NDST4: variants seen among roughly 807,000 people sequenced by gnomAD.
NDST4 encodes the protein N-heparan sulfate sulfotransferase 4.
Under a neutral mutation model 100.8 loss-of-function variants are expected in NDST4, and 63 were observed. The ratio of observed to expected loss-of-function variants is 0.62; its 90% CI spans 0.51 to 0.77. NDST4 has a LOEUF of 0.77. Among genes scored for constraint, NDST4 ranks in the 30% least tolerant of loss-of-function variants. The pLI, the probability that NDST4 is intolerant of heterozygous loss-of-function variation, is 0.00. For synonymous variants in NDST4, 377 were observed against 361.8 expected, an observed-to-expected ratio of 1.04 and a Z score of -0.48; for missense variants, 943 against 1,018.4, an observed-to-expected ratio of 0.93 and a Z score of 1.01.
chr4:114,929,375 C>T (rs1254289767), intron 6 of NDST4, among the ~76,000 whole-genome samples: 1 of 152,132 alleles, frequency 6.6e-6, no homozygotes, highest in African/African-American at 2.4e-5. Context: ...GTTCCTTAAA[C>T]AGTCATCTTT....
At chr4:114,876,253 T>C (rs928854181) in intron 6 of NDST4, among the ~76,000 whole-genome samples, 1 of 152,200 alleles carries the variant, frequency 6.6e-6, no homozygotes, top group Admixed American at 6.6e-5. Flanking sequence ...TCTGATAGCG[T>C]GCCCCTTTTC....
At chr4:114,932,004 A>G (rs1015229893) in intron 6 of NDST4, among the ~76,000 whole-genome samples, 2 of 151,958 alleles carry the variant, frequency 1.3e-5, no homozygotes, top group Non-Finnish European at 2.9e-5. Flanking sequence ...TGAGGTTAGC[A>G]TTACCCTGAT....
chr4:115,038,620 G>A (rs1290657852), intron 2 of NDST4, among the ~76,000 whole-genome samples: 2 of 152,140 alleles, frequency 1.3e-5, no homozygotes, highest in African/African-American at 4.8e-5. Flanking sequence ...AAGAAGTAAA[G>A]GACATGTAAT....
At chr4:115,039,991 A>G (rs1038499736) in intron 2 of NDST4, among the ~76,000 whole-genome samples, 1 of 152,036 alleles carries the variant, frequency 6.6e-6, no homozygotes, top group Non-Finnish European at 1.5e-5. Context: ...ACATATGCAT[A>G]TATATTCATA....
intron 2 of NDST4, among the ~76,000 whole-genome samples, chr4:115,034,975 G>A (rs1728201032): frequency 1.3e-5 from 2 of 152,098 alleles, no homozygotes; most frequent in African/African-American, 4.8e-5. Context: ...CAACCTGAAA[G>A]CTCATTCCAC....
intron 6 of NDST4, among the ~76,000 whole-genome samples, chr4:114,909,669 C>CAAAAAAAAAAAAA (rs773267929): frequency 1.2e-3 from 73 of 61,646 alleles, no homozygotes; most frequent in African/African-American, 1.8e-3. Context: ...GACTCCGTCT[C>CAAAAAAAAAAAAA]AAAAAAAAAA....
At chr4:115,079,736 G>T (rs1729262653) in intron 1 of NDST4, among the ~76,000 whole-genome samples, 1 of 152,070 alleles carries the variant, frequency 6.6e-6, no homozygotes, top group Non-Finnish European at 1.5e-5. Flanking sequence ...TTAATTGGGG[G>T]ATCTGAGTGA....
At position 114,959,554 on chromosome 4, in the gene NDST4, C is replaced by T. The variant is rs535276199; in HGVS notation, c.1221+10876G>A. 5.9e-5 allele frequency among the ~76,000 whole-genome samples: 9 copies of T among 152,150 alleles called. No homozygotes were observed. The South Asian group carries it at 1.7e-3, about 28-fold the overall frequency. On this transcript the variant is annotated intron_variant, in intron 4 of 13. Coordinates refer to ENST00000264363, the MANE Select transcript of NDST4 (RefSeq NM_022569.3). Reference sequence around the variant, plus strand: ...GAGAACAGCATAAGAAAAACTTGTCCCCATGATTCAATTACCTCCCACCAG... The same window carrying T: ...GAGAACAGCATAAGAAAAACTTGTCTCCATGATTCAATTACCTCCCACCAG...
At chr4:114,963,703 G>A (rs1356335656) in intron 4 of NDST4, among the ~76,000 whole-genome samples, 1 of 152,102 alleles carries the variant, frequency 6.6e-6, no homozygotes, top group Non-Finnish European at 1.5e-5. Context: ...TAGAGGCAAC[G>A]GATTAGATGA....
At chr4:115,111,847 G>A (rs1387401996) in intron 1 of NDST4, among the ~76,000 whole-genome samples, 3 of 151,700 alleles carry the variant, frequency 2.0e-5, no homozygotes, top group Non-Finnish European at 4.4e-5. Flanking sequence ...CTTATTATGA[G>A]ATGTCTATCA....
intron 2 of NDST4, among the ~76,000 whole-genome samples, chr4:114,990,047 G>A (rs953103960): frequency 1.3e-5 from 2 of 151,840 alleles, no homozygotes; most frequent in African/African-American, 2.4e-5. Flanking sequence ...TTATGTCTGC[G>A]TTTTCATGAG....
chr4:115,076,837 G>A lies in NDST4; in HGVS notation c.200C>T (p.Thr67Ile), dbSNP rs1729196796. The A allele has an allele frequency of 6.2e-7, 1 of 1,613,814 alleles. No individual in the cohort carries two copies. The highest frequency in any genetic ancestry group is 8.5e-7 in the Non-Finnish European group (1 of 1,179,878). ...ILPYRSMELK[T>I]VKPIDTSKTD... ...TTTGGATGTGTCAATAGGTTTAACT[G>A]TTTTCAGCTCCATTGACCTATATGG... is the stretch of plus-strand genomic sequence containing the variant. Residue 67 changes from threonine (T) to isoleucine (I), a missense_variant, in exon 2 of 14, where the codon ACA becomes ATA. Coordinates refer to ENST00000264363, the MANE Select transcript of NDST4 (RefSeq NM_022569.3).
intron 2 of NDST4, among the ~76,000 whole-genome samples, chr4:115,000,955 G>A (rs571927526): frequency 6.6e-6 from 1 of 152,226 alleles, no homozygotes; most frequent in African/African-American, 2.4e-5. Flanking sequence ...GCCTCACATG[G>A]TGGAAAGGAT....
At chr4:114,866,501 C>A (rs1404973382) in intron 7 of NDST4, among the ~76,000 whole-genome samples, 1 of 152,218 alleles carries the variant, frequency 6.6e-6, no homozygotes, top group East Asian at 1.9e-4. Flanking sequence ...TATTTACTAT[C>A]TGAGAAACAG....
chr4:114,859,611 G>A (rs968328877), intron 7 of NDST4, among the ~76,000 whole-genome samples: 5 of 152,138 alleles, frequency 3.3e-5, no homozygotes, highest in African/African-American at 9.7e-5. Flanking sequence ...AGGGGATTGA[G>A]AATTCTCCCC....
intron 4 of NDST4, among the ~76,000 whole-genome samples, chr4:114,959,807 G>T (rs1445467361): frequency 6.6e-6 from 1 of 152,116 alleles, no homozygotes; most frequent in East Asian, 1.9e-4. Context: ...ACTATTAAAT[G>T]TACCAATATA....
Position 114,845,840 on chromosome 4 carries a change from C to A in NDST4, c.2098G>T (p.Ala700Ser), listed in dbSNP as rs1723536407. 6.2e-7 allele frequency: 1 copy of A among 1,613,608 alleles called. No individual in the cohort carries two copies. The highest frequency in any genetic ancestry group is 1.1e-5 in the South Asian group (1 of 91,008). The part of the protein sequence containing the change: ...ITILIDPSDR[A>S]YSWYQHQRSH... ...GACCATACCTGGTACCAAGAGTATG[C>A]CCTGTCTGAGGGGTCAATGAGGATG... Residue 700 changes from alanine to serine, a missense_variant, in exon 10 of 14, where the codon GCA (alanine) becomes TCA (serine). Coordinates refer to ENST00000264363, the MANE Select transcript of NDST4 (RefSeq NM_022569.3).
chr4:114,874,499 G>C (rs1724217722), intron 6 of NDST4, among the ~76,000 whole-genome samples: 1 of 152,078 alleles, frequency 6.6e-6, no homozygotes, highest in South Asian at 2.1e-4. Context: ...CTGTTGTATG[G>C]GGCAACATGT....
At chr4:115,034,774 G>C (rs1247155385) in intron 2 of NDST4, among the ~76,000 whole-genome samples, 1 of 152,150 alleles carries the variant, frequency 6.6e-6, no homozygotes, top group Middle Eastern at 3.4e-3. Flanking sequence ...GCTCCAACCT[G>C]ATTACTGACC....
Sources: allele counts gnomAD v4.1 joint callset (sites outside exome capture counted in the v4.1 genomes callset), GRCh38; gene constraint gnomAD v4.1.1; transcripts MANE v1.5; gene names NCBI Gene and HGNC (gene_info 2026-07-23, HGNC 2026-07-21).